Variants in ERAP1 observed in about 807,000 individuals in gnomAD.
The protein encoded by ERAP1 is adipocyte-derived leucine aminopeptidase.
A neutral mutation model predicts 103.7 loss-of-function variants in ERAP1; 86 were observed. The ratio of observed to expected loss-of-function variants is 0.83; its 90% CI spans 0.70 to 0.99. The LOEUF (loss-of-function observed/expected upper bound fraction) is 0.99. ERAP1 is among the 50% of genes least tolerant of loss of function. The pLI, the probability that ERAP1 is intolerant of heterozygous loss-of-function variation, is 0.00. For missense variants in ERAP1, 1,009 were observed against 1,128.4 expected (o/e 0.89, Z 1.52); for synonymous variants, 398 against 402.4 (o/e 0.99, Z 0.13).
rs142482678 is a variant in ERAP1, at chr5:96,800,974, G to C, written c.551C>G (p.Pro184Arg). Residue 184 changes from proline (P) to arginine (R), a missense_variant, in exon 3 of 19, where the codon CCC (proline) becomes CGC (arginine). By Grantham distance (103) the Pro-to-Arg change is moderately radical. Coordinates refer to ENST00000443439, the MANE Select transcript of ERAP1 (RefSeq NM_001040458.3). ...GGGAAAGGCCATTCTAGCTGCAGTG[G>C]GTTCAAATTGTGTTGATGCTAGTAT... is the stretch of plus-strand genomic sequence containing the variant. Reference protein sequence around the residue: ...LRILASTQFEPTAARMAFPCF... With the variant: ...LRILASTQFERTAARMAFPCF... 728 of 1,614,092 alleles carry C rather than the reference G, an allele frequency of 4.5e-4. 12 individuals are homozygous for C. The East Asian group carries it at 0.014, about 31-fold the overall frequency.
the ERAP1 span, among the ~76,000 whole-genome samples, chr5:96,891,993 T>C: frequency 1.3e-5 from 2 of 152,208 alleles, no homozygotes. Flanking sequence ...TTTAAATAAA[T>C]TATTTTCTTG....
chr5:96,860,063 A>T, the ERAP1 span, among the ~76,000 whole-genome samples: 1 of 151,950 alleles, frequency 6.6e-6, no homozygotes, highest in African/African-American at 2.4e-5. Context: ...TTATTTATTT[A>T]TTTATTTATT....
At chr5:96,855,080 T>C in the ERAP1 span, among the ~76,000 whole-genome samples, 50 of 152,366 alleles carry the variant, frequency 3.3e-4, no homozygotes, top group African/African-American at 1.1e-3. Context: ...TTTTCTCTAT[T>C]AGTAAGAAAG....
At chr5:96,823,080 G>A in the ERAP1 span, 1 of 456,316 alleles carries the variant, frequency 2.2e-6, no homozygotes, top group South Asian at 1.5e-5. Context: ...GAGGCCACCT[G>A]CAGTTCTTTA....
intron 19 of ERAP1, among the ~76,000 whole-genome samples, chr5:96,768,678 G>C (rs1770960920): frequency 6.6e-6 from 1 of 152,166 alleles, no homozygotes; most frequent in South Asian, 2.1e-4. Context: ...AGTGAGAGCA[G>C]GCCCTAACTA....
At chr5:96,897,085 C>A in the ERAP1 span, among the ~76,000 whole-genome samples, 2 of 151,526 alleles carry the variant, frequency 1.3e-5, no homozygotes, top group Non-Finnish European at 2.9e-5. Flanking sequence ...ACCTGACTTT[C>A]TTTGGTTTCT....
the ERAP1 span, among the ~76,000 whole-genome samples, chr5:96,927,642 G>A: frequency 3.3e-5 from 5 of 151,734 alleles, no homozygotes; most frequent in Admixed American, 6.6e-5. Context: ...GCCCGCCACC[G>A]CGCCTGGCTA....
the ERAP1 span, among the ~76,000 whole-genome samples, chr5:96,924,294 T>C: frequency 6.6e-6 from 1 of 152,192 alleles, no homozygotes; most frequent in South Asian, 2.1e-4. Flanking sequence ...CCATAAATGG[T>C]GCTGACTGAC....
At position 96,776,370 on chromosome 5, in the gene ERAP1, A is replaced by C. The variant is rs760257744; in HGVS notation, c.*26T>G. On this transcript the variant is annotated 3_prime_UTR_variant, in exon 19 of 19. Coordinates refer to ENST00000443439, the MANE Select transcript of ERAP1 (RefSeq NM_001040458.3). ...AACAAAATGTTGGTGATTAGAGATA[A>C]CAGGAACCTGGCAAGGGAGGAATTT... 1.9e-6 allele frequency: 3 copies of C among 1,596,776 alleles called. No individual in the cohort carries two copies. Among genetic ancestry groups the C allele is most frequent in the African/African-American group, 2.7e-5 (2 of 74,076 alleles).
chr5:96,801,502 G>A (rs577151212), intron 2 of ERAP1, among the ~76,000 whole-genome samples: 4 of 151,364 alleles, frequency 2.6e-5, no homozygotes, highest in East Asian at 1.9e-4. Context: ...AAAAAACAGG[G>A]AAAATTCATT....
At chr5:96,903,641 A>G in the ERAP1 span, 10 of 1,287,072 alleles carry the variant, frequency 7.8e-6, no homozygotes, top group Non-Finnish European at 7.5e-6. Flanking sequence ...TGAATGTTCA[A>G]CATTGGTCAT....
At chr5:96,923,712 AAAAG>A in the ERAP1 span, among the ~76,000 whole-genome samples, 1 of 151,866 alleles carries the variant, frequency 6.6e-6, no homozygotes, top group African/African-American at 2.4e-5. Flanking sequence ...AAAAAAAAGA[AAAAG>A]AAAGAAACTT....
the ERAP1 span, among the ~76,000 whole-genome samples, chr5:96,851,318 CTG>C: frequency 1.3e-5 from 2 of 152,172 alleles, no homozygotes; most frequent in Non-Finnish European, 2.9e-5. Context: ...TCAGGCTGCA[CTG>C]TGCTTCACTC....
chr5:96,849,351 T>C, the ERAP1 span, among the ~76,000 whole-genome samples: 1 of 152,154 alleles, frequency 6.6e-6, no homozygotes, highest in Non-Finnish European at 1.5e-5. Flanking sequence ...GATGACATGA[T>C]CTTATATGTA....
chr5:96,889,160 A>T, the ERAP1 span: 1 of 1,611,646 alleles, frequency 6.2e-7, no homozygotes, highest in Non-Finnish European at 8.5e-7. Flanking sequence ...TCATTCAAAA[A>T]CCTCTTCTGA....
At chr5:96,812,411 G>T (rs1319109391), upstream of ERAP1, among the ~76,000 whole-genome samples, 1 of 152,152 alleles carries the variant, frequency 6.6e-6, no homozygotes, top group Non-Finnish European at 1.5e-5. Flanking sequence ...GCAAACCTTT[G>T]TTTAGGAGGC....
At chr5:96,770,432 G>A (rs899866114), downstream of ERAP1, 6 of 688,032 alleles carry the variant, frequency 8.7e-6, no homozygotes, top group African/African-American at 7.1e-5. Context: ...TAATTAAATT[G>A]GAGATCTCAG....
At chr5:96,811,625 T>C (rs1041540061), upstream of ERAP1, among the ~76,000 whole-genome samples, 1 of 152,240 alleles carries the variant, frequency 6.6e-6, no homozygotes, top group African/African-American at 2.4e-5. Context: ...ATTTAGCCAG[T>C]TGGAGTCAGT....
At chr5:96,897,373 C>G in the ERAP1 span, among the ~76,000 whole-genome samples, 2 of 152,158 alleles carry the variant, frequency 1.3e-5, no homozygotes, top group Non-Finnish European at 2.9e-5. Flanking sequence ...TTTTAAGATC[C>G]AGCTGAGATT....
Sources: allele counts gnomAD v4.1 joint callset (sites outside exome capture counted in the v4.1 genomes callset), GRCh38; gene constraint gnomAD v4.1.1; transcripts MANE v1.5; gene names NCBI Gene and HGNC (gene_info 2026-07-23, HGNC 2026-07-21).